The following NLRP1 variants were observed in gnomAD, a reference collection of about 807,000 sequenced individuals.
The protein encoded by NLRP1 is NLR family pyrin domain containing 1.
In NLRP1, 94 loss-of-function variants were observed where a neutral mutation model predicts 136.7. That is an observed-to-expected ratio of 0.69 (90% CI 0.58 to 0.82). NLRP1 has a LOEUF of 0.82. Ranked by LOEUF, NLRP1 falls within the 40% of genes least tolerant of loss-of-function variation. The pLI, the probability that NLRP1 is intolerant of heterozygous loss-of-function variation, is 0.00. For missense variants in NLRP1, 1,575 were observed against 1,802.7 expected (o/e 0.87, Z 2.29); for synonymous variants, 690 against 725.1 (o/e 0.95, Z 0.78).
intron 11 of NLRP1, among the ~76,000 whole-genome samples, chr17:5,531,240 T>A (rs553376880): frequency 6.6e-6 from 1 of 151,478 alleles, no homozygotes; most frequent in Non-Finnish European, 1.5e-5. Flanking sequence ...TATGGAAATA[T>A]GGTCTCACTC....
chr17:5,555,183 G>GA (rs950315665), intron 4 of NLRP1, among the ~76,000 whole-genome samples: 46 of 151,934 alleles, frequency 3.0e-4, no homozygotes, highest in African/African-American at 1.1e-3. Flanking sequence ...CAAGGTGACT[G>GA]AAAAAAAATT....
intron 3 of NLRP1, among the ~76,000 whole-genome samples, chr17:5,578,617 G>A (rs573036473): frequency 1.3e-5 from 2 of 152,330 alleles, no homozygotes; most frequent in South Asian, 4.1e-4. Flanking sequence ...AACAACAGGT[G>A]CTGGAGAGGA....
rs938344663 is a variant in NLRP1 at position 5,525,979 on chromosome 17, A to T, written c.3521-4193T>A. Among the ~76,000 whole-genome samples the T allele has an allele frequency of 8.1e-5, 12 of 147,848 alleles. No individual in the cohort carries two copies. In the South Asian group the frequency reaches 1.5e-3, roughly 19 times the overall value. Reference sequence around the variant, plus strand: ...GGGTCTGGGAAGAAAAAGCTACTAAATTTTTTTTTTTTTTGAGACAGAGTC... The same window carrying T: ...GGGTCTGGGAAGAAAAAGCTACTAATTTTTTTTTTTTTTTGAGACAGAGTC... On this transcript the variant is annotated intron_variant, in intron 12 of 16. Transcript: ENST00000572272.
At chr17:5,564,814 T>C (rs1262436027) in intron 3 of NLRP1, among the ~76,000 whole-genome samples, 1 of 144,252 alleles carries the variant, frequency 6.9e-6, no homozygotes, top group Non-Finnish European at 1.5e-5. Flanking sequence ...CTTGGCTCAC[T>C]GCAAGCTCCG....
chr17:5,565,490 A>G (rs528326412), intron 3 of NLRP1, among the ~76,000 whole-genome samples: 3 of 152,204 alleles, frequency 2.0e-5, no homozygotes, highest in East Asian at 3.9e-4. Flanking sequence ...TTAACTTGAC[A>G]TGATCTTGTT....
chr17:5,516,484 T>TAGACTTTTTC (rs1392950060), intron 15 of NLRP1, among the ~76,000 whole-genome samples: 1 of 152,196 alleles, frequency 6.6e-6, no homozygotes, highest in Non-Finnish European at 1.5e-5. Context: ...GGGAAGGAGA[T>TAGACTTTTTC]AGACTTTTTC....
At chr17:5,538,759 C>T (rs940272669) in intron 7 of NLRP1, among the ~76,000 whole-genome samples, 20 of 152,154 alleles carry the variant, frequency 1.3e-4, no homozygotes, top group African/African-American at 3.9e-4. Context: ...ATGAATGAAG[C>T]GCTGCCCTGG....
rs758498070 is a variant in NLRP1 at position 5,532,973 on chromosome 17, G to A, written c.3145C>T (p.Pro1049Ser). The change falls in exon 11 of 17, where the codon CCA (proline) becomes TCA (serine). Residue 1049 changes from proline to serine, a missense_variant. By Grantham distance (74) the Pro-to-Ser change is moderately conservative. Coordinates refer to ENST00000572272, the MANE Select transcript of NLRP1 (RefSeq NM_033004.4). ...PIAEIAEESS[P>S]EVVPVELLCV... Reference sequence around the variant, plus strand: ...AAGAGTTCCACCGGTACTACCTCTGGGGAGCTTTCCTCTGAAACAGCAAGG... The same window carrying A: ...AAGAGTTCCACCGGTACTACCTCTGAGGAGCTTTCCTCTGAAACAGCAAGG... 1.9e-6 allele frequency: 3 copies of A among 1,612,076 alleles called. No individual in the cohort carries two copies. The highest frequency in any genetic ancestry group is 2.2e-5 in the South Asian group (2 of 90,916).
chr17:5,552,049 ACAGGCATGGG>A (rs1913430744), intron 5 of NLRP1, among the ~76,000 whole-genome samples: 1 of 143,206 alleles, frequency 7.0e-6, no homozygotes, highest in Non-Finnish European at 1.5e-5. Flanking sequence ...ATTTGGGATT[ACAGGCATGGG>A]CCATCATGTC....
At chr17:5,510,092 A>G (rs1907550178), downstream of NLRP1, among the ~76,000 whole-genome samples, 1 of 150,492 alleles carries the variant, frequency 6.6e-6, no homozygotes, top group African/African-American at 2.4e-5. Context: ...TTTTAAATAG[A>G]GACAGTGTCT....
chr17:5,539,775 C>T, intron 6 of NLRP1, 190 bp from the exon 7 acceptor site: 2 of 614,228 alleles, frequency 3.3e-6, no homozygotes, highest in Non-Finnish European at 4.1e-6. Context: ...AGCCACGGAA[C>T]CCCTCAGGAT....
rs1182120326 is a variant in NLRP1, at chr17:5,532,179, G to A, written c.3296+643C>T. Among the ~76,000 whole-genome samples the A allele has an allele frequency of 2.6e-5, 4 of 152,312 alleles. No individual in the cohort carries two copies. In the East Asian group the frequency reaches 7.7e-4, roughly 29 times the overall value. On this transcript the variant is annotated intron_variant, in intron 11 of 16. Coordinates refer to ENST00000572272, the MANE Select transcript of NLRP1 (RefSeq NM_033004.4). ...GGAGAATCGCTTGAACCTGGGAGGT[G>A]GAGGTTGAGGTAAGCCAAGATTGTG... is the stretch of plus-strand genomic sequence containing the variant.
chr17:5,551,634 C>T (rs1199203945), intron 5 of NLRP1, among the ~76,000 whole-genome samples: 1 of 152,212 alleles, frequency 6.6e-6, no homozygotes, highest in Admixed American at 6.5e-5. Flanking sequence ...TCTCATTTTG[C>T]ATTCCCACCA....
intron 3 of NLRP1, among the ~76,000 whole-genome samples, chr17:5,569,272 CG>C (rs1915630588): frequency 6.6e-6 from 1 of 152,088 alleles, no homozygotes. Context: ...TCACACATAT[CG>C]ATATTAATCC....
chr17:5,516,721 G>A (rs1210514951), intron 15 of NLRP1, among the ~76,000 whole-genome samples: 1 of 152,212 alleles, frequency 6.6e-6, no homozygotes, highest in Non-Finnish European at 1.5e-5. Context: ...CACTCAGCAA[G>A]TAAGTGCCAG....
intron 4 of NLRP1, among the ~76,000 whole-genome samples, chr17:5,555,725 G>C (rs181768808): frequency 6.6e-6 from 1 of 152,132 alleles, no homozygotes; most frequent in Non-Finnish European, 1.5e-5. Flanking sequence ...CAGGAGAATG[G>C]TCAAATCAGC....
At chr17:5,563,348 T>C (rs929664620) in intron 3 of NLRP1, among the ~76,000 whole-genome samples, 1 of 152,044 alleles carries the variant, frequency 6.6e-6, no homozygotes, top group African/African-American at 2.4e-5. Flanking sequence ...CAGGAGAAAG[T>C]CAAAATCCAG....
rs748522471 is a variant in NLRP1 at position 5,515,503 on chromosome 17, C to T, written c.4072G>A (p.Ala1358Thr). The part of the protein sequence containing the change: ...ALVKPGDLMP[A>T]TTLIPPARIA... ...CGGGCTGGAGGGATCAGAGTAGTTG[C>T]AGGCATGAGATCTCCTGGAGGAAAA... is the stretch of plus-strand genomic sequence containing the variant. Residue 1358 changes from alanine (A) to threonine (T), a missense_variant, in exon 16 of 17, where the codon GCA (alanine) becomes ACA (threonine). Transcript: ENST00000572272. The T allele has an allele frequency of 1.1e-5, 17 of 1,613,546 alleles. No homozygotes were observed. The highest frequency in any genetic ancestry group is 1.4e-5 in the Non-Finnish European group (16 of 1,179,484).
At chr17:5,568,407 A>C (rs113184491) in intron 3 of NLRP1, among the ~76,000 whole-genome samples, 3,638 of 152,156 alleles carry the variant, frequency 0.024, 154 homozygotes, top group African/African-American at 0.084. Context: ...CTGTTTGATT[A>C]TTTTTAATTA....
Sources: allele counts gnomAD v4.1 joint callset (sites outside exome capture counted in the v4.1 genomes callset), GRCh38; gene constraint gnomAD v4.1.1; transcripts MANE v1.5; gene names NCBI Gene and HGNC (gene_info 2026-07-23, HGNC 2026-07-21).